SLC25A13: variants seen among roughly 807,000 people sequenced by gnomAD.
SLC25A13 encodes the protein electrogenic aspartate/glutamate antiporter SLC25A13, mitochondrial.
In SLC25A13, 70 loss-of-function variants were observed where a neutral mutation model predicts 85.5. The observed-to-expected ratio is 0.82, with a 90% CI of 0.68 to 1.00. The LOEUF (loss-of-function observed/expected upper bound fraction) is 1.00. Ranked by LOEUF, SLC25A13 falls within the 50% of genes least tolerant of loss-of-function variation. The probability of loss-of-function intolerance (pLI) is 0.00; values close to 1 mark genes in which losing one functional copy is unlikely to be tolerated. For synonymous variants in SLC25A13, 259 were observed against 288.7 expected, an observed-to-expected ratio of 0.90 and a Z score of 1.04; for missense variants, 765 against 819.8, an observed-to-expected ratio of 0.93 and a Z score of 0.82.
At chr7:96,157,557 A>G (rs1793332342) in intron 13 of SLC25A13, among the ~76,000 whole-genome samples, 1 of 152,194 alleles carries the variant, frequency 6.6e-6, no homozygotes, top group African/African-American at 2.4e-5. Context: ...TAATCCCAGC[A>G]CTTTGGGAGG....
At chr7:96,252,035 A>G (rs532414722) in intron 3 of SLC25A13, among the ~76,000 whole-genome samples, 9 of 152,312 alleles carry the variant, frequency 5.9e-5, no homozygotes, top group African/African-American at 2.2e-4. Flanking sequence ...TTTTTTTTCT[A>G]TATGACTTTA....
chr7:96,288,012 G>C (rs1798955747), intron 2 of SLC25A13, among the ~76,000 whole-genome samples: 1 of 152,174 alleles, frequency 6.6e-6, no homozygotes, highest in African/African-American at 2.4e-5. Flanking sequence ...CTCTCATACA[G>C]ACCTCATTCC....
chr7:96,201,267 T>C (rs1186842800), intron 5 of SLC25A13, among the ~76,000 whole-genome samples: 2 of 152,092 alleles, frequency 1.3e-5, no homozygotes, highest in African/African-American at 2.4e-5. Context: ...CTCAGCACTT[T>C]GGGAGGGTGA....
chr7:96,237,585 C>T (rs1796792753), intron 3 of SLC25A13, among the ~76,000 whole-genome samples: 1 of 152,080 alleles, frequency 6.6e-6, no homozygotes, highest in South Asian at 2.1e-4. Context: ...AGAAAAAGAA[C>T]TGGTGTGGAA....
At chr7:96,164,711 T>TACACAC (rs56377235) in intron 13 of SLC25A13, among the ~76,000 whole-genome samples, 2,257 of 143,126 alleles carry the variant, frequency 0.016, 48 homozygotes, top group African/African-American at 0.045. Context: ...GGATTAACTT[T>TACACAC]ACACACACAC....
chr7:96,167,203 T>A (rs1793788832), intron 13 of SLC25A13, among the ~76,000 whole-genome samples: 1 of 152,158 alleles, frequency 6.6e-6, no homozygotes, highest in South Asian at 2.1e-4. Context: ...AAAAAATGAG[T>A]TTAAAAATAA....
At chr7:96,237,697 A>G (rs1292880364) in intron 3 of SLC25A13, among the ~76,000 whole-genome samples, 2 of 152,206 alleles carry the variant, frequency 1.3e-5, no homozygotes, top group African/African-American at 4.8e-5. Context: ...AGCAGAAGAA[A>G]GGCTAGAGAA....
At chr7:96,135,922 T>G (rs1199892828) in intron 14 of SLC25A13, among the ~76,000 whole-genome samples, 1 of 151,702 alleles carries the variant, frequency 6.6e-6, no homozygotes, top group Admixed American at 6.6e-5. Flanking sequence ...ATTCTCTGAT[T>G]GGTCCTGAAT....
At chr7:96,266,942 C>A (rs1014804497) in intron 3 of SLC25A13, among the ~76,000 whole-genome samples, 1 of 152,154 alleles carries the variant, frequency 6.6e-6, no homozygotes, top group African/African-American at 2.4e-5. Flanking sequence ...CAGGTGACTG[C>A]TATTGATTAT....
intron 5 of SLC25A13, among the ~76,000 whole-genome samples, chr7:96,200,461 C>T (rs1475466127): frequency 6.6e-6 from 1 of 152,018 alleles, no homozygotes; most frequent in Non-Finnish European, 1.5e-5. Context: ...TATTTTTTAA[C>T]AAAGTAAAAA....
intron 5 of SLC25A13, 94 bp from the exon 6 acceptor site, chr7:96,193,277 G>C (rs986219389): frequency 1.5e-4 from 213 of 1,464,772 alleles, no homozygotes; most frequent in Admixed American, 1.4e-3. Context: ...TGAAGAAAGA[G>C]AGTTTACATC....
intron 11 of SLC25A13, among the ~76,000 whole-genome samples, chr7:96,176,275 T>C (rs1056748648): frequency 2.0e-5 from 3 of 152,208 alleles, no homozygotes; most frequent in Non-Finnish European, 4.4e-5. Context: ...AGGTTTCTAA[T>C]ATAAGATGTT....
At chr7:96,288,805 G>C (rs1463669565) in intron 2 of SLC25A13, among the ~76,000 whole-genome samples, 1 of 152,186 alleles carries the variant, frequency 6.6e-6, no homozygotes, top group African/African-American at 2.4e-5. Flanking sequence ...CACAGCTCCA[G>C]GAGTCCTCTG....
intron 4 of SLC25A13, among the ~76,000 whole-genome samples, chr7:96,214,771 A>G (rs1195099793): frequency 6.6e-6 from 1 of 152,092 alleles, no homozygotes; most frequent in Non-Finnish European, 1.5e-5. Context: ...CTCAATTTAC[A>G]GTAGCCTCAA....
chr7:96,294,102 A>T (rs963783469), intron 2 of SLC25A13, among the ~76,000 whole-genome samples: 2 of 152,346 alleles, frequency 1.3e-5, no homozygotes, highest in African/African-American at 4.8e-5. Flanking sequence ...ATGCAGCCAT[A>T]AAAAATGATG....
At chr7:96,289,685 G>T (rs1164232382) in intron 2 of SLC25A13, among the ~76,000 whole-genome samples, 1 of 152,184 alleles carries the variant, frequency 6.6e-6, no homozygotes, top group Non-Finnish European at 1.5e-5. Context: ...TGAATGAAAT[G>T]AAGCGAGAAG....
At position 96,131,731 on chromosome 7, in the gene SLC25A13, G is replaced by A; in HGVS notation, c.1591+12C>T. 3.7e-6 allele frequency: 6 copies of A among 1,613,746 alleles called. No homozygotes were observed. Among genetic ancestry groups the A allele is most frequent in the Non-Finnish European group, 5.1e-6 (6 of 1,179,864 alleles). ...GTCAGGGAAGTAAGAGAACTCCATG[G>A]GGGACACTCACCAGCTATGGCACCA... On this transcript the variant is annotated intron_variant, in intron 15 of 17. Transcript: ENST00000265631.
chr7:96,127,224 C>G (rs977024562), intron 15 of SLC25A13, among the ~76,000 whole-genome samples: 2 of 152,146 alleles, frequency 1.3e-5, no homozygotes, highest in Admixed American at 1.3e-4. Context: ...AAATGCCCTT[C>G]ATTAATGATA....
At chr7:96,164,519 T>C (rs958976333) in intron 13 of SLC25A13, among the ~76,000 whole-genome samples, 4 of 152,100 alleles carry the variant, frequency 2.6e-5, no homozygotes, top group African/African-American at 4.8e-5. Context: ...CTATCTAAAT[T>C]TTATAGACAA....
Sources: gnomAD v4.1 joint callset for allele counts (sites outside exome capture counted in the v4.1 genomes callset) on GRCh38, gnomAD v4.1.1 for gene constraint, MANE v1.5 for transcripts, NCBI Gene and HGNC (gene_info 2026-07-23, HGNC 2026-07-21) for gene names.